ZFP41: variants seen among roughly 807,000 people sequenced by gnomAD.
ZFP41 encodes the protein zinc finger protein 41 homolog.
In ZFP41, 10 loss-of-function variants were observed where a neutral mutation model predicts 11.6. The ratio of observed to expected loss-of-function variants is 0.86; its 90% CI spans 0.53 to 1.47. The LOEUF (loss-of-function observed/expected upper bound fraction) is 1.47, where lower values mean the gene tolerates loss of function less well. Ranked by LOEUF, ZFP41 falls within the 40% of genes most tolerant of loss-of-function variation. The probability of loss-of-function intolerance (pLI) is 0.00; values close to 1 mark genes in which losing one functional copy is unlikely to be tolerated. For missense variants in ZFP41, 302 were observed against 264.6 expected (o/e 1.14, Z -0.98); for synonymous variants, 123 against 100.9 (o/e 1.22, Z -1.31).
intron 1 of ZFP41, chr8:143,247,737 A>G (rs1816719996): frequency 6.6e-6 from 1 of 152,252 alleles, no homozygotes; most frequent in South Asian, 2.1e-4. Context: ...ACTCCTGTCT[A>G]CAGGCCTGTG....
chr8:143,247,984 TA>T (rs1157271834), intron 1 of ZFP41, among the ~76,000 whole-genome samples: 1 of 152,134 alleles, frequency 6.6e-6, no homozygotes, highest in African/African-American at 2.4e-5. Context: ...CACGCCCAGC[TA>T]ATTTTTTGTG....
At chr8:143,255,571 G>C (rs7387091) in intron 2 of ZFP41, among the ~76,000 whole-genome samples, 1 of 101,600 alleles carries the variant, frequency 9.8e-6, no homozygotes, top group Non-Finnish European at 2.2e-5. Flanking sequence ...CCCGCGTGCT[G>C]GTGTTCTTGA....
chr8:143,258,226 T>C (rs1814956564), intron 2 of ZFP41, among the ~76,000 whole-genome samples: 1 of 152,096 alleles, frequency 6.6e-6, no homozygotes, highest in African/African-American at 2.4e-5. Context: ...GAGGCTAAGG[T>C]AGGAGGATCA....
In ZFP41 at chr8:143,250,482, C is replaced by T. The variant is rs79109896; in HGVS notation, c.*42C>T. ...GACTCGGGCCCTGCGGTGCGAGCCT[C>T]GCCGGACACCTGCTCCGTGGCTCCC... On this transcript the variant is annotated 3_prime_UTR_variant, in exon 2 of 3. Transcript: ENST00000330701. 785 of 1,580,910 alleles carry T rather than the reference C, an allele frequency of 5.0e-4. 1 individual carries two copies. The African/African-American group carries it at 8.8e-3, about 18-fold the overall frequency.
intron 2 of ZFP41, chr8:143,253,056 G>A (rs1388110766): frequency 2.0e-5 from 3 of 152,316 alleles, no homozygotes; most frequent in East Asian, 1.9e-4. Context: ...ATCAGAGCAC[G>A]TGTGACGTGT....
Position 143,249,705 on chromosome 8 carries a change from G to A in ZFP41, c.-139G>A. On this transcript the variant is annotated 5_prime_UTR_variant, in exon 2 of 3. Transcript: ENST00000330701. Reference sequence around the variant, plus strand: ...TTCTCCCCAGCACCAAGAGGATGGTGGCCCTTGGCCTCCTGGTGCAGAGCA... The same window carrying A: ...TTCTCCCCAGCACCAAGAGGATGGTAGCCCTTGGCCTCCTGGTGCAGAGCA... The A allele has an allele frequency of 7.4e-7, 1 of 1,353,448 alleles. No individual in the cohort carries two copies. The highest frequency in any genetic ancestry group is 9.8e-7 in the Non-Finnish European group (1 of 1,024,094). The allele number at this position is 1,353,448 out of a possible 1,614,324, so 83.8% of individuals were successfully genotyped here.
rs1401376574 is a variant in ZFP41, at chr8:143,250,368, C to T, written c.525C>T (p.His175=). ...GGGAGAAGCCCTACGAATGCACGCA[C>T]TGTGGGAAAGCCTTTGCCTACAGCT... is the stretch of plus-strand genomic sequence containing the variant. ...HTGEKPYECT[H]CGKAFAYSSC... Residue 175 remains histidine (H), a synonymous_variant, in exon 2 of 3, where the codon CAC becomes CAT. Transcript: ENST00000330701. 1.9e-6 allele frequency: 3 copies of T among 1,613,906 alleles called. No individual in the cohort carries two copies. In the African/African-American group the frequency reaches 4.0e-5, roughly 22 times the overall value.
rs908139805 is a variant in ZFP41, at chr8:143,252,929, T to C, written c.*900+1589T>C. ...GGGCCCCCTGGCCCGGATCTCCTTATGCAGCCGTTCCCGGTATGTCCTGAG... is the reference window on the plus strand; with the variant it reads ...GGGCCCCCTGGCCCGGATCTCCTTACGCAGCCGTTCCCGGTATGTCCTGAG... On this transcript the variant is annotated intron_variant, in intron 2 of 2. Coordinates refer to ENST00000330701, the MANE Select transcript of ZFP41 (RefSeq NM_173832.6). 4 of 152,276 alleles carry C rather than the reference T, an allele frequency of 2.6e-5. No individual in the cohort carries two copies. In the East Asian group the frequency reaches 7.7e-4, roughly 29 times the overall value. The allele number at this position is 152,276 out of a possible 1,614,324, so 9.4% of individuals were successfully genotyped here. A position where few individuals can be genotyped will look rare whatever the true frequency, so the allele number is the denominator to read the frequency against.
intron 2 of ZFP41, among the ~76,000 whole-genome samples, chr8:143,255,728 A>T (rs13282774): frequency 1.7e-4 from 14 of 82,740 alleles, no homozygotes; most frequent in South Asian, 5.3e-4. Context: ...ATCACGGCTC[A>T]CCCCGCGTGC....
At chr8:143,248,710 G>A (rs1328624957) in intron 1 of ZFP41, among the ~76,000 whole-genome samples, 2 of 151,866 alleles carry the variant, frequency 1.3e-5, no homozygotes, top group Non-Finnish European at 1.5e-5. Flanking sequence ...CACCCCAGCA[G>A]AGATGCTGCT....
chr8:143,254,491 G>A (rs1814858734), intron 2 of ZFP41, among the ~76,000 whole-genome samples: 1 of 152,214 alleles, frequency 6.6e-6, no homozygotes, highest in Non-Finnish European at 1.5e-5. Flanking sequence ...TGCCACAGAG[G>A]GTGGCAAGTG....
At chr8:143,248,562 A>G (rs1333920562) in intron 1 of ZFP41, 1 of 152,370 alleles carries the variant, frequency 6.6e-6, no homozygotes, top group African/African-American at 2.4e-5. Flanking sequence ...CCCATGAGGC[A>G]AACAGCTGGT....
Position 143,250,170 on chromosome 8 carries a change from C to T in ZFP41, c.327C>T (p.His109=). ...ACCACATTCGCCATCAGAGGGTCCA[C>T]ACTGGAGAGAAGCCCTTCAAGTGTG... is the stretch of plus-strand genomic sequence containing the variant. ...KTDHIRHQRV[H]TGEKPFKCAQ... The change falls in exon 2 of 3, where the codon CAC becomes CAT. Residue 109 remains histidine (H), a synonymous_variant. Coordinates refer to ENST00000330701, the MANE Select transcript of ZFP41 (RefSeq NM_173832.6). The T allele has an allele frequency of 1.2e-6, 2 of 1,614,158 alleles. No individual in the cohort carries two copies. The highest frequency in any genetic ancestry group is 2.7e-5 in the African/African-American group (2 of 75,042).
chr8:143,250,015 G>C lies in ZFP41; in HGVS notation c.172G>C (p.Glu58Gln). ...TEPCLSPEDE[E>Q]HVFDAFDASF... Reference sequence around the variant, plus strand: ...GCCCTGCCTGAGTCCTGAAGACGAAGAGCACGTCTTTGATGCCTTCGACGC... The same window carrying C: ...GCCCTGCCTGAGTCCTGAAGACGAACAGCACGTCTTTGATGCCTTCGACGC... Residue 58 changes from glutamate to glutamine, a missense_variant, in exon 2 of 3, where the codon GAG becomes CAG. Physicochemically the swap from Glu to Gln is conservative, Grantham distance 29. Coordinates refer to ENST00000330701, the MANE Select transcript of ZFP41 (RefSeq NM_173832.6). 12 of 1,614,184 alleles carry C rather than the reference G, an allele frequency of 7.4e-6. No individual in the cohort carries two copies. Among genetic ancestry groups the C allele is most frequent in the Non-Finnish European group, 9.3e-6 (11 of 1,180,034 alleles).
chr8:143,257,235 T>C (rs1814935257), intron 2 of ZFP41, among the ~76,000 whole-genome samples: 1 of 152,232 alleles, frequency 6.6e-6, no homozygotes, highest in Admixed American at 6.5e-5. Context: ...CTCACGCCTA[T>C]AATCCCAGCA....
chr8:143,262,224 C>T lies in ZFP41; in HGVS notation c.*3350C>T, dbSNP rs1018365635. 2 of 160,888 alleles carry T rather than the reference C, an allele frequency of 1.2e-5. No individual in the cohort carries two copies. Among genetic ancestry groups the T allele is most frequent in the African/African-American group, 4.8e-5 (2 of 41,524 alleles). 10.0% of individuals were successfully genotyped at this position (160,888 alleles called of 1,614,324 possible). On this transcript the variant is annotated 3_prime_UTR_variant, in exon 3 of 3. Transcript: ENST00000330701. ...TGGCCACCGCTCAGCCAAATGGATT[C>T]AGCGAGGGTTTTTAGTGTTTGTGCC...
Position 143,250,110 on chromosome 8 carries a change from C to T in ZFP41, c.267C>T (p.Cys89=), listed in dbSNP as rs138271514. ...TTCAGAGGAAGAAACCCTATGAGTG[C>T]AGTGAGTGTGGGCGGATCTTTAAGC... is the stretch of plus-strand genomic sequence containing the variant. ...IPFQRKKPYE[C]SECGRIFKHK... is the part of the protein sequence containing the mutation. The change falls in exon 2 of 3, where the codon TGC becomes TGT. Residue 89 remains cysteine (C), a synonymous_variant. Coordinates refer to ENST00000330701, the MANE Select transcript of ZFP41 (RefSeq NM_173832.6). 4.8e-5 allele frequency: 77 copies of T among 1,614,048 alleles called. No individual in the cohort carries two copies. Among genetic ancestry groups the T allele is most frequent in the Non-Finnish European group, 6.0e-5 (71 of 1,180,044 alleles).
In ZFP41 at chr8:143,251,146, G is replaced by T. The variant is rs1030736878; in HGVS notation, c.*706G>T. On this transcript the variant is annotated 3_prime_UTR_variant, in exon 2 of 3. Transcript: ENST00000330701. Reference sequence around the variant, plus strand: ...GCCCAGCCTTCCTCCCAGAGAGGCGGCCTGACTTACCTGGATGGACTTGGG... The same window carrying T: ...GCCCAGCCTTCCTCCCAGAGAGGCGTCCTGACTTACCTGGATGGACTTGGG... The T allele has an allele frequency of 6.0e-6, 1 of 167,388 alleles. No individual in the cohort carries two copies. The highest frequency in any genetic ancestry group is 1.5e-5 in the Non-Finnish European group (1 of 68,354). The allele number at this position is 167,388 out of a possible 1,614,324, so 10.4% of individuals were successfully genotyped here. A position where few individuals can be genotyped will look rare whatever the true frequency, so the allele number is the denominator to read the frequency against.
chr8:143,261,369 G>A lies in ZFP41; in HGVS notation c.*2495G>A, dbSNP rs947422883. The A allele has an allele frequency of 6.6e-6, 1 of 152,540 alleles. No homozygotes were observed. Among genetic ancestry groups the A allele is most frequent in the Non-Finnish European group, 1.5e-5 (1 of 68,290 alleles). The allele number at this position is 152,540 out of a possible 1,614,324, so 9.4% of individuals were successfully genotyped here. A position where few individuals can be genotyped will look rare whatever the true frequency, so the allele number is the denominator to read the frequency against. Reference sequence around the variant, plus strand: ...CCGGGAGAAAGGCCGTGTCCCCAGAGCTGAGGCGGTGGTGGGCAGGGCTCC... The same window carrying A: ...CCGGGAGAAAGGCCGTGTCCCCAGAACTGAGGCGGTGGTGGGCAGGGCTCC... On this transcript the variant is annotated 3_prime_UTR_variant, in exon 3 of 3. Coordinates refer to ENST00000330701, the MANE Select transcript of ZFP41 (RefSeq NM_173832.6).
Sources: allele counts gnomAD v4.1 joint callset (sites outside exome capture counted in the v4.1 genomes callset), GRCh38; gene constraint gnomAD v4.1.1; transcripts MANE v1.5; gene names NCBI Gene and HGNC (gene_info 2026-07-23, HGNC 2026-07-21).